BLOC1S5: variants seen among roughly 807,000 people sequenced by gnomAD.
The protein encoded by BLOC1S5 is biogenesis of lysosome-related organelles complex 1 subunit 5.
Under a neutral mutation model 24.3 loss-of-function variants are expected in BLOC1S5, and 27 were observed. That is an observed-to-expected ratio of 1.11 (90% confidence interval 0.82 to 1.53). The LOEUF (loss-of-function observed/expected upper bound fraction) is 1.53. Among genes scored for constraint, BLOC1S5 ranks in the 40% most tolerant of loss-of-function variants. The pLI, the probability that BLOC1S5 is intolerant of heterozygous loss-of-function variation, is 0.00. For synonymous variants in BLOC1S5, 84 were observed against 74.5 expected (o/e 1.13, Z -0.66); for missense variants, 239 against 229.4 (o/e 1.04, Z -0.27).
At chr6:8,033,278 A>T (rs988156776) in intron 3 of BLOC1S5, among the ~76,000 whole-genome samples, 6 of 152,316 alleles carry the variant, frequency 3.9e-5, no homozygotes, top group Middle Eastern at 3.4e-3. Context: ...ACCAAAACAG[A>T]TATACAGACC....
chr6:8,024,708 C>T (rs1763051082), intron 4 of BLOC1S5, among the ~76,000 whole-genome samples: 1 of 152,126 alleles, frequency 6.6e-6, no homozygotes, highest in Non-Finnish European at 1.5e-5. Context: ...ACGGTGACCG[C>T]TCGCATCTTA....
chr6:8,058,446 T>C (rs1764397381), intron 2 of BLOC1S5, among the ~76,000 whole-genome samples: 1 of 150,406 alleles, frequency 6.6e-6, no homozygotes, highest in Non-Finnish European at 1.5e-5. Context: ...GTGGAAACTA[T>C]TTCATTCCTT....
chr6:8,054,126 G>C (rs1247764362), intron 2 of BLOC1S5: 1 of 322,450 alleles, frequency 3.1e-6, no homozygotes, highest in Non-Finnish European at 6.0e-6. Context: ...CTACTTATTA[G>C]CAATATTAAT....
intron 2 of BLOC1S5, among the ~76,000 whole-genome samples, chr6:8,057,089 T>C (rs1764336696): frequency 4.6e-5 from 7 of 152,060 alleles, no homozygotes; most frequent in Non-Finnish European, 1.0e-4. Flanking sequence ...CATGGTGGTA[T>C]ATGCCTGTAA....
intron 3 of BLOC1S5, chr6:8,027,301 C>T (rs755797131): frequency 3.1e-5 from 14 of 455,600 alleles, no homozygotes; most frequent in East Asian, 2.1e-4. Context: ...CATGTTTGCT[C>T]GCTCAATTAT....
intron 3 of BLOC1S5, among the ~76,000 whole-genome samples, chr6:8,029,569 C>G (rs1561858489): frequency 6.6e-6 from 1 of 152,166 alleles, no homozygotes; most frequent in Non-Finnish European, 1.5e-5. Context: ...ACTTCCACCC[C>G]CAGTCTTTCA....
chr6:8,047,601 C>T (rs891791209), intron 2 of BLOC1S5, among the ~76,000 whole-genome samples: 1 of 152,064 alleles, frequency 6.6e-6, no homozygotes, highest in African/African-American at 2.4e-5. Flanking sequence ...ATAGATTTCC[C>T]CTTTCACTTT....
intron 2 of BLOC1S5, among the ~76,000 whole-genome samples, chr6:8,053,502 A>G (rs1282806363): frequency 6.6e-6 from 1 of 152,270 alleles, no homozygotes; most frequent in East Asian, 1.9e-4. Flanking sequence ...TAGCAGCCTT[A>G]GCAAGAAAGT....
intron 3 of BLOC1S5, among the ~76,000 whole-genome samples, chr6:8,027,608 C>T (rs977320414): frequency 2.0e-5 from 3 of 152,134 alleles, no homozygotes; most frequent in African/African-American, 7.2e-5. Context: ...CCGTGGCGGG[C>T]AGATCACCTG....
intron 2 of BLOC1S5, among the ~76,000 whole-genome samples, chr6:8,049,371 C>CAA (rs386406082): frequency 0.45 from 64,167 of 143,472 alleles, 14,925 homozygotes; most frequent in East Asian, 0.79. Flanking sequence ...GACTTCGTCT[C>CAA]AAAAAAAAAA....
At chr6:8,030,851 A>C (rs1369551672) in intron 3 of BLOC1S5, among the ~76,000 whole-genome samples, 1 of 124,872 alleles carries the variant, frequency 8.0e-6, no homozygotes, top group African/African-American at 2.8e-5. Flanking sequence ...CAGCCTGAGC[A>C]ACAGACCAAC....
chr6:8,030,935 T>C (rs2113538606), intron 3 of BLOC1S5, among the ~76,000 whole-genome samples: 1 of 151,248 alleles, frequency 6.6e-6, no homozygotes, highest in East Asian at 2.0e-4. Context: ...AGCATCACTT[T>C]ATGATTAAAA....
intron 2 of BLOC1S5, among the ~76,000 whole-genome samples, chr6:8,042,188 CAT>C (rs1158943409): frequency 6.6e-6 from 1 of 152,136 alleles, no homozygotes; most frequent in Non-Finnish European, 1.5e-5. Context: ...CAGATTGCCA[CAT>C]ATTTTATTAG....
At chr6:8,063,026 C>T (rs2113614960) in intron 1 of BLOC1S5, among the ~76,000 whole-genome samples, 1 of 151,906 alleles carries the variant, frequency 6.6e-6, no homozygotes, top group South Asian at 2.1e-4. Flanking sequence ...CACTTATCAA[C>T]ATAAATATAA....
At chr6:8,020,800 A>C (rs1016013753) in intron 4 of BLOC1S5, among the ~76,000 whole-genome samples, 2 of 152,206 alleles carry the variant, frequency 1.3e-5, no homozygotes, top group Non-Finnish European at 2.9e-5. Context: ...AAAAACAACA[A>C]AAAAAGTGGC....
At chr6:8,032,625 A>G (rs1244027459) in intron 3 of BLOC1S5, among the ~76,000 whole-genome samples, 1 of 152,220 alleles carries the variant, frequency 6.6e-6, no homozygotes, top group Non-Finnish European at 1.5e-5. Flanking sequence ...AGTTCTGGTC[A>G]GGGCAATCAG....
chr6:8,040,620 A>T (rs1447478421), intron 3 of BLOC1S5, among the ~76,000 whole-genome samples: 1 of 152,190 alleles, frequency 6.6e-6, no homozygotes, highest in Non-Finnish European at 1.5e-5. Flanking sequence ...AGCACTTGGG[A>T]GGCCGAGGCA....
At chr6:8,035,081 G>A (rs951967706) in intron 3 of BLOC1S5, among the ~76,000 whole-genome samples, 1 of 151,990 alleles carries the variant, frequency 6.6e-6, no homozygotes, top group Non-Finnish European at 1.5e-5. Flanking sequence ...TCTAAGTAAA[G>A]TAACTCAGGA....
intron 3 of BLOC1S5, among the ~76,000 whole-genome samples, chr6:8,028,802 A>C (rs78115516): frequency 0.037 from 5,623 of 151,726 alleles, 337 homozygotes; most frequent in African/African-American, 0.12. Context: ...AAAGTCAAAG[A>C]CAATCACCAG....
Sources: allele counts gnomAD v4.1 joint callset (sites outside exome capture counted in the v4.1 genomes callset), GRCh38; gene constraint gnomAD v4.1.1; transcripts MANE v1.5; gene names NCBI Gene and HGNC (gene_info 2026-07-23, HGNC 2026-07-21).